Variants in ETV1 observed in about 807,000 individuals in gnomAD.
ETV1 encodes ETS variant transcription factor 1, also known as ETS translocation variant 1.
A neutral mutation model predicts 62.3 loss-of-function variants in ETV1; 27 were observed. The observed-to-expected ratio is 0.43, with a 90% confidence interval of 0.32 to 0.60. The LOEUF (loss-of-function observed/expected upper bound fraction) is 0.60. Ranked by LOEUF, ETV1 falls within the 20% of genes least tolerant of loss-of-function variation. The pLI is 0.06. For synonymous variants in ETV1, 222 were observed against 199.6 expected, an observed-to-expected ratio of 1.11 and a Z score of -0.94; for missense variants, 605 against 605.8, an observed-to-expected ratio of 1.00 and a Z score of 0.01.
intron 12 of ETV1, among the ~76,000 whole-genome samples, chr7:13,903,857 A>G (rs1335724152): frequency 6.6e-6 from 1 of 152,162 alleles, no homozygotes; most frequent in Non-Finnish European, 1.5e-5. Context: ...AATATCTAAG[A>G]AAAAGACATG....
chr7:13,952,079 C>T (rs1003205210), intron 6 of ETV1, among the ~76,000 whole-genome samples: 8 of 152,090 alleles, frequency 5.3e-5, no homozygotes, highest in Admixed American at 3.3e-4. Context: ...ACATGGAAAA[C>T]GTCAGTTAGG....
chr7:13,975,963 A>G (rs1781415931), intron 6 of ETV1, among the ~76,000 whole-genome samples: 1 of 152,208 alleles, frequency 6.6e-6, no homozygotes, highest in African/African-American at 2.4e-5. Flanking sequence ...TCAATTGCCC[A>G]TAGGAAGGGA....
chr7:13,906,515 A>G lies in ETV1; in HGVS notation c.1025T>C (p.Val342Ala). ...ATTTGAAGGGTCATCCAGAAGAGCT[A>G]CCAAAAACTGCCAGAGCTGAAGTGA... is the stretch of plus-strand genomic sequence containing the variant. ...RGSLQLWQFL[V>A]ALLDDPSNSH... Residue 342 changes from valine to alanine, a missense_variant, in exon 12 of 14, where the codon GTA (valine) becomes GCA (alanine). Val to Ala is a moderately conservative substitution (Grantham distance 64). Around this residue, in one of 3 missense-constraint regions of ETV1, gnomAD observed 100 missense variants for 156.4 expected, o/e 0.64. Transcript: ENST00000430479. The G allele has an allele frequency of 3.7e-6, 6 of 1,611,802 alleles. No individual in the cohort carries two copies. The highest frequency in any genetic ancestry group is 5.1e-6 in the Non-Finnish European group (6 of 1,178,938).
At chr7:13,955,833 T>C (rs1789370398) in intron 6 of ETV1, among the ~76,000 whole-genome samples, 1 of 151,160 alleles carries the variant, frequency 6.6e-6, no homozygotes, top group Non-Finnish European at 1.5e-5. Flanking sequence ...CTTAAAACAC[T>C]CATTTTTTTC....
At chr7:13,917,826 T>A (rs1324296991) in intron 9 of ETV1, among the ~76,000 whole-genome samples, 1 of 151,712 alleles carries the variant, frequency 6.6e-6, no homozygotes, top group African/African-American at 2.4e-5. Flanking sequence ...TAGCCGGGCG[T>A]GGTGGCGGGC....
intron 11 of ETV1, among the ~76,000 whole-genome samples, 158 bp downstream of exon 11, chr7:13,909,474 G>T (rs1457649899): frequency 6.6e-6 from 1 of 152,172 alleles, no homozygotes; most frequent in African/African-American, 2.4e-5. Context: ...GCAAGGAAGA[G>T]ATAAATTGTA....
chr7:13,911,483 G>C (rs1783563812), intron 9 of ETV1, among the ~76,000 whole-genome samples, 176 bp from the exon 10 acceptor site: 2 of 152,150 alleles, frequency 1.3e-5, no homozygotes, highest in Non-Finnish European at 2.9e-5. Flanking sequence ...AAAGAATGAA[G>C]AGTATATATC....
At chr7:13,972,902 C>T (rs1164339529) in intron 6 of ETV1, among the ~76,000 whole-genome samples, 1 of 152,182 alleles carries the variant, frequency 6.6e-6, no homozygotes, top group Non-Finnish European at 1.5e-5. Flanking sequence ...AGCCACCATG[C>T]CCAGGCTCTG....
At chr7:13,985,333 C>A (rs1237991858) in intron 5 of ETV1, 3 of 151,912 alleles carry the variant, frequency 2.0e-5, no homozygotes, top group African/African-American at 7.3e-5. Flanking sequence ...TAAATATAGC[C>A]AAAACTTTCA....
chr7:13,908,261 G>A (rs1471208350), intron 11 of ETV1, among the ~76,000 whole-genome samples: 1 of 152,002 alleles, frequency 6.6e-6, no homozygotes, highest in Non-Finnish European at 1.5e-5. Flanking sequence ...AATAATCAAG[G>A]CAGCTTGTTC....
At chr7:13,897,588 C>T (rs1392696356) in intron 13 of ETV1, among the ~76,000 whole-genome samples, 1 of 152,070 alleles carries the variant, frequency 6.6e-6, no homozygotes, top group African/African-American at 2.4e-5. Flanking sequence ...AATGGCGCCT[C>T]AGAAAGCCCA....
At chr7:13,973,689 T>C (rs1222993308) in intron 6 of ETV1, among the ~76,000 whole-genome samples, 21 of 152,166 alleles carry the variant, frequency 1.4e-4, no homozygotes, top group Non-Finnish European at 1.5e-5. Context: ...TTTGCCTCTG[T>C]TTATGGGTTT....
Position 13,930,901 on chromosome 7 carries a change from A to C in ETV1, c.802+601T>G, listed in dbSNP as rs1583674737. 2.6e-5 allele frequency among the ~76,000 whole-genome samples: 4 copies of C among 151,828 alleles called. 1 individual carries two copies. The highest frequency in any genetic ancestry group is 9.7e-5 in the African/African-American group (4 of 41,386). ...CTGCAACCTCTGCCTCCCGGGTTCA[A>C]GCGATTCTCTTGCCTCAGCCTCCCG... On this transcript the variant is annotated intron_variant, in intron 9 of 13. Transcript: ENST00000430479.
chr7:13,965,255 AGGACTGGAATAGT>A (rs1790651458), intron 6 of ETV1, among the ~76,000 whole-genome samples: 1 of 152,210 alleles, frequency 6.6e-6, no homozygotes, highest in Non-Finnish European at 1.5e-5. Context: ...AGCCTAGACA[AGGACTGGAATAGT>A]TCCCGAACAC....
Position 13,988,769 on chromosome 7 carries a change from T to C in ETV1, c.45+239A>G. On this transcript the variant is annotated intron_variant, in intron 3 of 13. Coordinates refer to ENST00000430479, the MANE Select transcript of ETV1 (RefSeq NM_004956.5). The stretch of plus-strand genomic sequence containing the variant: ...CCTCCATCTCCTCTTCCACTCATGT[T>C]GGGCACTTTAATCAGAAAAAGGGGT... 3 of 1,610,918 alleles carry C rather than the reference T, an allele frequency of 1.9e-6. No homozygotes were observed. In the South Asian group the frequency reaches 3.3e-5, roughly 18 times the overall value.
At chr7:13,982,295 T>C (rs1782068645) in intron 5 of ETV1, among the ~76,000 whole-genome samples, 1 of 151,976 alleles carries the variant, frequency 6.6e-6, no homozygotes, top group Non-Finnish European at 1.5e-5. Context: ...TATACACAAA[T>C]CAAAGGGAAT....
chr7:13,925,452 T>TA (rs533888021), intron 9 of ETV1, among the ~76,000 whole-genome samples: 1 of 152,164 alleles, frequency 6.6e-6, no homozygotes, highest in South Asian at 2.1e-4. Flanking sequence ...CACAAACCAA[T>TA]AGAAAGTCAT....
chr7:13,963,383 G>A lies in ETV1; in HGVS notation c.235+14044C>T, dbSNP rs181515366. ...TGCCAAACCTAAAGAGTCTAAAACTGCTATTCCCTTAACTATTATAAATAA... is the reference window on the plus strand; with the variant it reads ...TGCCAAACCTAAAGAGTCTAAAACTACTATTCCCTTAACTATTATAAATAA... On this transcript the variant is annotated intron_variant, in intron 6 of 13. Coordinates refer to ENST00000430479, the MANE Select transcript of ETV1 (RefSeq NM_004956.5). 5.3e-3 allele frequency among the ~76,000 whole-genome samples: 811 copies of A among 152,000 alleles called. 11 individuals carry two copies. Among genetic ancestry groups the A allele is most frequent in the African/African-American group, 0.018 (761 of 41,480 alleles).
chr7:13,958,076 GA>G (rs1296398957), intron 6 of ETV1, among the ~76,000 whole-genome samples: 1 of 152,122 alleles, frequency 6.6e-6, no homozygotes, highest in Non-Finnish European at 1.5e-5. Flanking sequence ...CTATTTCTTT[GA>G]ATTACTACAT....
Sources: gnomAD v4.1 joint callset for allele counts (sites outside exome capture counted in the v4.1 genomes callset) on GRCh38, gnomAD v4.1.1 for gene constraint, gnomAD v4.1.1 regional missense constraint, MANE v1.5 for transcripts, NCBI Gene and HGNC (gene_info 2026-07-23, HGNC 2026-07-21) for gene names.